CDH11: variants seen among roughly 807,000 people sequenced by gnomAD.
The protein encoded by CDH11 is cadherin-11.
In CDH11, 11 loss-of-function variants were observed where a neutral mutation model predicts 67.8. That is an observed-to-expected ratio of 0.16 (90% confidence interval 0.10 to 0.27). The LOEUF (loss-of-function observed/expected upper bound fraction) is 0.27. Among genes scored for constraint, CDH11 ranks in the 10% least tolerant of loss-of-function variants. The pLI is 1.00. For synonymous variants in CDH11, 419 were observed against 400.0 expected (o/e 1.05, Z -0.57); for missense variants, 847 against 1,031.2 (o/e 0.82, Z 2.45).
intron 1 of CDH11, among the ~76,000 whole-genome samples, chr16:65,096,382 A>T (rs1280936047): frequency 6.7e-6 from 1 of 149,400 alleles, no homozygotes; most frequent in African/African-American, 2.5e-5. Flanking sequence ...TGCTTAAGTC[A>T]ATCTCTTACC....
At chr16:65,117,897 C>T (rs752061615) in intron 1 of CDH11, among the ~76,000 whole-genome samples, 1 of 152,142 alleles carries the variant, frequency 6.6e-6, no homozygotes, top group African/African-American at 2.4e-5. Context: ...GCCCCCACCC[C>T]GGCTGCTGCT....
chr16:65,045,354 TATATATATATATATATATG>T (rs2073941843), intron 2 of CDH11, among the ~76,000 whole-genome samples: 1 of 100,226 alleles, frequency 1.0e-5, no homozygotes, highest in African/African-American at 3.5e-5. Flanking sequence ...TATATATATA[TATATATATATATATATATG>T]AACTGTTGCT....
chr16:65,005,486 A>T (rs955026641), intron 2 of CDH11, among the ~76,000 whole-genome samples: 1 of 152,170 alleles, frequency 6.6e-6, no homozygotes, highest in Non-Finnish European at 1.5e-5. Context: ...AGAGTGTGGG[A>T]TTCCATGCAG....
chr16:64,989,130 C>T (rs1409076759), intron 6 of CDH11, among the ~76,000 whole-genome samples: 1 of 152,010 alleles, frequency 6.6e-6, no homozygotes, highest in Non-Finnish European at 1.5e-5. Context: ...ACTCTGATGT[C>T]ACTGCAATGA....
At chr16:65,112,807 C>A (rs1422562756) in intron 1 of CDH11, among the ~76,000 whole-genome samples, 1 of 152,126 alleles carries the variant, frequency 6.6e-6, no homozygotes, top group Non-Finnish European at 1.5e-5. Context: ...TATCAAACAG[C>A]GTATGAAATG....
At chr16:65,094,844 C>T (rs1224218459) in intron 1 of CDH11, 2 of 152,128 alleles carry the variant, frequency 1.3e-5, no homozygotes, top group Non-Finnish European at 2.9e-5. Context: ...CAGGCCCTTG[C>T]TAGACACCAG....
chr16:64,948,603 T>A (rs754296867), intron 12 of CDH11: 12 of 1,608,094 alleles, frequency 7.5e-6, no homozygotes, highest in Non-Finnish European at 9.4e-6. Flanking sequence ...TAATGGGAAG[T>A]CTTACCGTAA....
At chr16:65,011,542 T>G (rs990220637) in intron 2 of CDH11, among the ~76,000 whole-genome samples, 1 of 152,190 alleles carries the variant, frequency 6.6e-6, no homozygotes, top group Non-Finnish European at 1.5e-5. Flanking sequence ...ATTATTTATC[T>G]CTTTAAGTAA....
At chr16:65,024,965 AC>A (rs1287544938) in intron 2 of CDH11, among the ~76,000 whole-genome samples, 1 of 152,252 alleles carries the variant, frequency 6.6e-6, no homozygotes, top group African/African-American at 2.4e-5. Flanking sequence ...CTGCTGCATT[AC>A]AAAAAAAGAA....
Position 65,004,696 on chromosome 16 carries a change from G to A in CDH11, c.174C>T (p.Asn58=), listed in dbSNP as rs199561275. ...LQRSKRGWVW[N]QFFVIEEYTG... ...TGTACTCCTCTATCACGAAGAACTG[G>A]TTCCAGACCCAGCCACGCTTGGAGC... The change falls in exon 3 of 13, where the codon AAC becomes AAT. Residue 58 remains asparagine (N), a synonymous_variant. Coordinates refer to ENST00000268603, the MANE Select transcript of CDH11 (RefSeq NM_001797.4). 9 of 1,613,872 alleles carry A rather than the reference G, an allele frequency of 5.6e-6. No individual in the cohort carries two copies. Among genetic ancestry groups the A allele is most frequent in the African/African-American group, 2.7e-5 (2 of 75,040 alleles).
intron 1 of CDH11, among the ~76,000 whole-genome samples, chr16:65,096,934 A>T (rs2074908378): frequency 6.6e-6 from 1 of 152,162 alleles, no homozygotes; most frequent in African/African-American, 2.4e-5. Context: ...TTCGTTAAAT[A>T]ACTAGAAGAC....
At chr16:65,034,908 G>A (rs1597116793) in intron 2 of CDH11, among the ~76,000 whole-genome samples, 3 of 152,132 alleles carry the variant, frequency 2.0e-5, no homozygotes, top group Non-Finnish European at 4.4e-5. Context: ...TTCACAAATA[G>A]CCTTCTGCTC....
In CDH11 at chr16:64,950,845, C is replaced by A. The variant is rs1420640582; in HGVS notation, c.1816G>T (p.Ala606Ser). 1.2e-6 allele frequency: 2 copies of A among 1,614,214 alleles called. No individual in the cohort carries two copies. The highest frequency in any genetic ancestry group is 2.2e-5 in the East Asian group (1 of 44,866). Residue 606 changes from alanine to serine, a missense_variant, in exon 12 of 13, where the codon GCA becomes TCA. Around this residue, in one of 2 missense-constraint regions of CDH11, gnomAD observed 612 missense variants for 678.7 expected, o/e 0.90. Transcript: ENST00000268603. ...CCGGCGTTCAGAATGTAGGCCTCTG[C>A]GTTGCAGGAGAGCAGTGCCCCGTTC... ...DVNGALLSCN[A>S]EAYILNAGLS... is the part of the protein sequence containing the mutation.
chr16:65,073,101 C>T (rs1315712279), intron 1 of CDH11, among the ~76,000 whole-genome samples: 4 of 151,922 alleles, frequency 2.6e-5, no homozygotes, highest in Admixed American at 6.6e-5. Context: ...ATTGAAAATC[C>T]AATAATATAT....
At chr16:65,120,411 G>A (rs1482077361) in intron 1 of CDH11, among the ~76,000 whole-genome samples, 2 of 152,222 alleles carry the variant, frequency 1.3e-5, no homozygotes, top group South Asian at 4.1e-4. Flanking sequence ...ATTAATTATG[G>A]TAGCCTCCCT....
intron 8 of CDH11, among the ~76,000 whole-genome samples, chr16:64,979,576 G>C (rs569340174): frequency 1.3e-5 from 2 of 151,724 alleles, no homozygotes; most frequent in Non-Finnish European, 2.9e-5. Flanking sequence ...GCAAAAAAGT[G>C]TTGGTGAGAA....
intron 11 of CDH11, 99 bp from the exon 12 acceptor site, chr16:64,951,117 AG>A: frequency 1.1e-5 from 13 of 1,199,628 alleles, no homozygotes; most frequent in Non-Finnish European, 1.4e-5. Context: ...CTTATCATAA[AG>A]GTTAACCGCC....
intron 2 of CDH11, among the ~76,000 whole-genome samples, chr16:65,049,957 G>A (rs759939597): frequency 7.2e-5 from 11 of 152,252 alleles, no homozygotes; most frequent in East Asian, 1.9e-4. Context: ...TGCAGAGCCC[G>A]GTGGGTTCTG....
chr16:64,947,623 T>G lies in CDH11; in HGVS notation c.2371A>C (p.Thr791Pro). ...TATTGTTAAGAATCGTCATCAAAAG[T>G]GTCTTTGGAACCATACAAATCTGCT... ...KLADLYGSKD[T>P]FDDDS The change falls in exon 13 of 13, where the codon ACT becomes CCT. Residue 791 changes from threonine (T) to proline (P), a missense_variant. Physicochemically the swap from Thr to Pro is conservative, Grantham distance 38. Transcript: ENST00000268603. The G allele has an allele frequency of 6.2e-7, 1 of 1,607,654 alleles. No individual in the cohort carries two copies. Among genetic ancestry groups the G allele is most frequent in the Non-Finnish European group, 8.5e-7 (1 of 1,175,030 alleles).
Sources: gnomAD v4.1 joint callset for allele counts (sites outside exome capture counted in the v4.1 genomes callset) on GRCh38, gnomAD v4.1.1 for gene constraint, gnomAD v4.1.1 regional missense constraint, MANE v1.5 for transcripts, NCBI Gene and HGNC (gene_info 2026-07-23, HGNC 2026-07-21) for gene names.